GPHN: variants seen among roughly 807,000 people sequenced by gnomAD.
GPHN encodes the protein gephyrin.
GPHN carries 17 observed loss-of-function variants against 95.5 expected under a neutral mutation model. That is an observed-to-expected ratio of 0.18 (90% CI 0.12 to 0.27). The LOEUF (loss-of-function observed/expected upper bound fraction) is 0.27. GPHN is among the 10% of genes least tolerant of loss of function. The pLI is 1.00. For missense variants in GPHN, 660 were observed against 978.1 expected (o/e 0.67, Z 4.34); for synonymous variants, 320 against 322.5 (o/e 0.99, Z 0.08).
the GPHN span, among the ~76,000 whole-genome samples, chr14:67,551,973 T>C: frequency 1.3e-5 from 2 of 152,190 alleles, no homozygotes; most frequent in African/African-American, 4.8e-5. Flanking sequence ...ACAGCAGGAC[T>C]GTGCTGGGAG....
the GPHN span, chr14:67,374,611 T>C: frequency 1.8e-6 from 2 of 1,087,954 alleles, no homozygotes; most frequent in Non-Finnish European, 2.7e-6. Context: ...TTTGAAATCT[T>C]AATTTCATAC....
chr14:67,640,863 A>G, the GPHN span, among the ~76,000 whole-genome samples: 11 of 152,222 alleles, frequency 7.2e-5, no homozygotes, highest in South Asian at 6.2e-4. Context: ...GACAAACTGC[A>G]TAGTAAAGGA....
the GPHN span, among the ~76,000 whole-genome samples, chr14:67,342,841 GTTTC>G: frequency 3.3e-5 from 5 of 151,904 alleles, no homozygotes; most frequent in South Asian, 2.1e-4. Context: ...AAAATTGAGT[GTTTC>G]TTTAATAAAA....
At chr14:67,311,544 C>T in the GPHN span, among the ~76,000 whole-genome samples, 1 of 152,116 alleles carries the variant, frequency 6.6e-6, no homozygotes, top group Non-Finnish European at 1.5e-5. Flanking sequence ...TCACATGCAA[C>T]TTGCCCAGGT....
the GPHN span, chr14:67,646,446 G>A: frequency 1.8e-6 from 1 of 562,874 alleles, no homozygotes; most frequent in Non-Finnish European, 3.2e-6. Flanking sequence ...AAGCAATACT[G>A]TGTTCCTCAG....
intron 4 of GPHN, among the ~76,000 whole-genome samples, chr14:66,875,791 C>T (rs1451984429): frequency 2.6e-5 from 4 of 152,126 alleles, no homozygotes; most frequent in African/African-American, 7.2e-5. Flanking sequence ...TAGACTCCCA[C>T]ACAATAATAG....
chr14:67,569,215 C>G, the GPHN span: 7 of 1,607,332 alleles, frequency 4.4e-6, no homozygotes, highest in South Asian at 5.5e-5. Flanking sequence ...CTGCATGCTG[C>G]GGTGAGTTCC....
chr14:67,343,326 A>T, the GPHN span: 5 of 1,423,476 alleles, frequency 3.5e-6, no homozygotes, highest in South Asian at 1.2e-5. Context: ...CGACAAGTGG[A>T]GGGTATGGAC....
At chr14:67,104,288 T>C (rs2077912853) in intron 13 of GPHN, among the ~76,000 whole-genome samples, 1 of 152,172 alleles carries the variant, frequency 6.6e-6, no homozygotes, top group Admixed American at 6.5e-5. Context: ...TTAAGCATTT[T>C]TGCACCAAGG....
At chr14:67,584,107 A>G in the GPHN span, 1 of 1,613,678 alleles carries the variant, frequency 6.2e-7, no homozygotes, top group Non-Finnish European at 8.5e-7. Context: ...CTTTGGTGCT[A>G]AACTTTTTGC....
chr14:67,421,023 G>A, the GPHN span, among the ~76,000 whole-genome samples: 1 of 152,150 alleles, frequency 6.6e-6, no homozygotes, highest in Non-Finnish European at 1.5e-5. Context: ...TGAGTGGCAG[G>A]GAGTTAGTTG....
At chr14:67,582,016 AT>A in the GPHN span, 1 of 1,560,332 alleles carries the variant, frequency 6.4e-7, no homozygotes, top group Non-Finnish European at 8.7e-7. The surrounding 1 kb of genome is among the most constrained non-coding windows in gnomAD (Gnocchi z 5.0). Flanking sequence ...AGAAAGCCCC[AT>A]CCCTGTTTGG....
chr14:67,328,283 T>C, the GPHN span, among the ~76,000 whole-genome samples: 3 of 152,252 alleles, frequency 2.0e-5, no homozygotes, highest in African/African-American at 7.2e-5. Context: ...ATGTCTTCTT[T>C]TGAGAAGTGT....
intron 8 of GPHN, among the ~76,000 whole-genome samples, chr14:66,942,119 C>T (rs1248823830): frequency 6.6e-6 from 1 of 152,162 alleles, no homozygotes; most frequent in African/African-American, 2.4e-5. Context: ...TCAAGTGATT[C>T]TCCCGCCTCA....
chr14:66,845,858 T>TGTGTGG, intron 4 of GPHN, among the ~76,000 whole-genome samples: 1 of 141,018 alleles, frequency 7.1e-6, no homozygotes, highest in Non-Finnish European at 1.6e-5. Context: ...TGTGTGTGTG[T>TGTGTGG]GTCTGTGTGC....
At chr14:67,666,478 T>C in the GPHN span, among the ~76,000 whole-genome samples, 1 of 152,256 alleles carries the variant, frequency 6.6e-6, no homozygotes, top group African/African-American at 2.4e-5. Flanking sequence ...TATGAGATCC[T>C]TTCTGGACTT....
At chr14:67,077,331 CCCGAG>C (rs988577204) in intron 11 of GPHN, among the ~76,000 whole-genome samples, 1 of 152,102 alleles carries the variant, frequency 6.6e-6, no homozygotes, top group Non-Finnish European at 1.5e-5. Context: ...ATGTAAGCAT[CCCGAG>C]CACATGTAAG....
chr14:67,090,140 T>C (rs1385429686), intron 12 of GPHN, among the ~76,000 whole-genome samples: 1 of 152,156 alleles, frequency 6.6e-6, no homozygotes, highest in African/African-American at 2.4e-5. Flanking sequence ...AAGAAACATG[T>C]TTAAAAAGTT....
At chr14:66,572,911 A>G (rs371901310) in intron 1 of GPHN, among the ~76,000 whole-genome samples, 4 of 151,970 alleles carry the variant, frequency 2.6e-5, no homozygotes, top group Non-Finnish European at 5.9e-5. Flanking sequence ...TATGGTCTTT[A>G]TTGTGTTGTG....
Sources: gnomAD v4.1 joint callset for allele counts (sites outside exome capture counted in the v4.1 genomes callset) on GRCh38, gnomAD v4.1.1 for gene constraint, Gnocchi (gnomAD v3.1) non-coding constraint, MANE v1.5 for transcripts, NCBI Gene and HGNC (gene_info 2026-07-23, HGNC 2026-07-21) for gene names.